PCDHGA1: variants seen among roughly 807,000 people sequenced by gnomAD.
PCDHGA1 encodes protocadherin gamma-A1.
A neutral mutation model predicts 58.0 loss-of-function variants in PCDHGA1; 32 were observed. The ratio of observed to expected loss-of-function variants is 0.55; its 90% CI spans 0.42 to 0.74. The LOEUF (loss-of-function observed/expected upper bound fraction) is 0.74. Ranked by LOEUF, PCDHGA1 falls within the 30% of genes least tolerant of loss-of-function variation. The pLI is 0.00. For synonymous variants in PCDHGA1, 498 were observed against 501.1 expected, an observed-to-expected ratio of 0.99 and a Z score of 0.08; for missense variants, 1,205 against 1,182.3, an observed-to-expected ratio of 1.02 and a Z score of -0.28.
In PCDHGA1 at chr5:141,476,651, T is replaced by C. The variant is rs1355056895; in HGVS notation, c.2422-18156T>C. On this transcript the variant is annotated intron_variant, in intron 1 of 3. Coordinates refer to ENST00000517417, the MANE Select transcript of PCDHGA1 (RefSeq NM_018912.3). This position sits in a 1 kb window ranked among gnomAD's most constrained non-coding sequence, Gnocchi z 7.6. ...AACCTATGAGCTGAGCCGAAATGAA[T>C]ACTTTGCGCTTCGCGTGCAGACGCG... is the stretch of plus-strand genomic sequence containing the variant. The C allele has an allele frequency of 3.7e-6, 6 of 1,614,118 alleles. No individual in the cohort carries two copies. Among genetic ancestry groups the C allele is most frequent in the Non-Finnish European group, 5.1e-6 (6 of 1,180,050 alleles).
chr5:141,476,187 G>T lies in PCDHGA1; in HGVS notation c.2422-18620G>T. 1 of 1,613,782 alleles carries T rather than the reference G, an allele frequency of 6.2e-7. No individual in the cohort carries two copies. The highest frequency in any genetic ancestry group is 8.5e-7 in the Non-Finnish European group (1 of 1,180,028). ...GTAGTGGGAGTTTTGCTTCTGCTTG[G>T]TGCCTTGAACAAGGCTTCCACGGTC... On this transcript the variant is annotated intron_variant, in intron 1 of 3. Transcript: ENST00000517417. This position sits in a 1 kb window ranked among gnomAD's most constrained non-coding sequence, Gnocchi z 7.6.
chr5:141,491,714 C>T lies in PCDHGA1; in HGVS notation c.2422-3093C>T, dbSNP rs1321811999. 2 of 1,608,744 alleles carry T rather than the reference C, an allele frequency of 1.2e-6. No individual in the cohort carries two copies. Among genetic ancestry groups the T allele is most frequent in the Non-Finnish European group, 1.7e-6 (2 of 1,177,916 alleles). The stretch of plus-strand genomic sequence containing the variant: ...GAGCGGAGCCAGGTGAGGGGCTCGG[C>T]GCCGCCCCGGGCGACCCCTGGGGGC... On this transcript the variant is annotated intron_variant, in intron 1 of 3. Coordinates refer to ENST00000517417, the MANE Select transcript of PCDHGA1 (RefSeq NM_018912.3). The surrounding 1 kb of genome is among the most constrained non-coding windows in gnomAD (Gnocchi z 6.9).
At position 141,454,796 on chromosome 5, in the gene PCDHGA1, A is replaced by ATT. The variant is rs61612330; in HGVS notation, c.2422-39983_2422-39982dup. On this transcript the variant is annotated intron_variant, in intron 1 of 3. Coordinates refer to ENST00000517417, the MANE Select transcript of PCDHGA1 (RefSeq NM_018912.3). Reference sequence around the variant, plus strand: ...AAGGAAATAATCCTCCATGGTTCTAATTTTTTTTTTTTTTTTTTTTTTTTT... The same window carrying ATT: ...AAGGAAATAATCCTCCATGGTTCTAATTTTTTTTTTTTTTTTTTTTTTTTTTT... 6.7e-3 allele frequency among the ~76,000 whole-genome samples: 521 copies of ATT among 77,456 alleles called. 71 individuals are homozygous for ATT. The highest frequency in any genetic ancestry group is 0.017 in the Middle Eastern group (2 of 120). The allele number at this position is 77,456 out of a possible 152,430, so 50.8% of individuals were successfully genotyped here.
intron 1 of PCDHGA1, among the ~76,000 whole-genome samples, chr5:141,472,015 T>C (rs2099269555): frequency 6.6e-6 from 1 of 152,164 alleles, no homozygotes; most frequent in African/African-American, 2.4e-5. Flanking sequence ...AGGGGCACTA[T>C]ATTGTATGTA....
chr5:141,417,800 C>T, intron 1 of PCDHGA1: 1 of 1,489,386 alleles, frequency 6.7e-7, no homozygotes. Context: ...TCTTTTAGCG[C>T]GGTAGAGTGC....
At chr5:141,357,339 A>C (rs771047184) in intron 1 of PCDHGA1, 2 of 1,613,868 alleles carry the variant, frequency 1.2e-6, no homozygotes, top group Non-Finnish European at 1.7e-6. Context: ...TGCTGCTAGC[A>C]CTCAAGCTGA....
At chr5:141,404,176 A>C (rs763166170) in intron 1 of PCDHGA1, 2 of 1,613,206 alleles carry the variant, frequency 1.2e-6, no homozygotes, top group African/African-American at 2.7e-5. Context: ...TGACGGCCCA[A>C]ATTCTTGACC....
chr5:141,341,508 T>C, intron 1 of PCDHGA1: 2 of 1,539,522 alleles, frequency 1.3e-6, no homozygotes, highest in Non-Finnish European at 8.7e-7. Context: ...AGTCAAGTTT[T>C]AGGAAGTGAG....
intron 1 of PCDHGA1, among the ~76,000 whole-genome samples, chr5:141,445,738 T>G (rs553879167): frequency 9.9e-5 from 15 of 152,122 alleles, no homozygotes; most frequent in Non-Finnish European, 1.9e-4. Context: ...AAAGATCTTT[T>G]TAAAAAATAA....
intron 1 of PCDHGA1, chr5:141,344,197 A>T (rs1209255886): frequency 6.2e-7 from 1 of 1,614,016 alleles, no homozygotes; most frequent in Non-Finnish European, 8.5e-7. Context: ...CTGGGGCTAG[A>T]GCCCCGGGAG....
At chr5:141,390,867 CGT>C (rs61319619) in intron 1 of PCDHGA1, 8,912 of 150,888 alleles carry the variant, frequency 0.059, 387 homozygotes, top group African/African-American at 0.12. Context: ...GCTGTGTGTG[CGT>C]GTGTGTGTGT....
intron 1 of PCDHGA1, chr5:141,399,787 A>C (rs111395890): frequency 0.048 from 76,979 of 1,613,184 alleles, 1,998 homozygotes; most frequent in South Asian, 0.077. Flanking sequence ...CCGAAACGAC[A>C]ACGCACCGCG....
intron 1 of PCDHGA1, chr5:141,351,781 C>T: frequency 1.2e-6 from 2 of 1,613,438 alleles, no homozygotes; most frequent in Non-Finnish European, 1.7e-6. Context: ...GCCCGCAGAG[C>T]GGGGTGGTGT....
At chr5:141,409,201 AATC>A (rs1377420843) in intron 1 of PCDHGA1, 1 of 1,614,044 alleles carries the variant, frequency 6.2e-7, no homozygotes, top group Non-Finnish European at 8.5e-7. Context: ...AGTGTAAAGT[AATC>A]ATAGAAATCC....
At chr5:141,464,407 A>C (rs996561936) in intron 1 of PCDHGA1, among the ~76,000 whole-genome samples, 1 of 151,544 alleles carries the variant, frequency 6.6e-6, no homozygotes, top group Non-Finnish European at 1.5e-5. Flanking sequence ...CCTGAGATAT[A>C]TATATATCTA....
At chr5:141,341,049 T>C (rs1361816181) in intron 1 of PCDHGA1, 1 of 1,613,946 alleles carries the variant, frequency 6.2e-7, no homozygotes, top group East Asian at 2.2e-5. Flanking sequence ...ACTCTGTACC[T>C]GGTGGTGGCG....
chr5:141,463,308 A>G (rs1233755540), intron 1 of PCDHGA1, among the ~76,000 whole-genome samples: 1 of 151,660 alleles, frequency 6.6e-6, no homozygotes, highest in Admixed American at 6.6e-5. Context: ...CCAAACTCTA[A>G]TATCTATTCC....
intron 1 of PCDHGA1, chr5:141,471,166 C>T (rs1427053969): frequency 2.0e-5 from 3 of 150,492 alleles, no homozygotes; most frequent in Non-Finnish European, 2.9e-5. Context: ...TCTCCTGGCT[C>T]AGCCTCCCTA....
At chr5:141,410,849 C>CTTTTTTGTTTTTTTTTTTTTTT (rs2095433183) in intron 1 of PCDHGA1, 1 of 129,786 alleles carries the variant, frequency 7.7e-6, no homozygotes, top group African/African-American at 6.0e-5. Flanking sequence ...TTGTCTTTGT[C>CTTTTTTGTTTTTTTTTTTTTTT]TTTTTTTTTT....
Sources: gnomAD v4.1 joint callset for allele counts (sites outside exome capture counted in the v4.1 genomes callset) on GRCh38, gnomAD v4.1.1 for gene constraint, Gnocchi (gnomAD v3.1) non-coding constraint, MANE v1.5 for transcripts, NCBI Gene and HGNC (gene_info 2026-07-23, HGNC 2026-07-21) for gene names.